The following DCDC1 variants were observed in gnomAD, a reference collection of about 807,000 sequenced individuals.
The protein encoded by DCDC1 is doublecortin domain-containing protein 1.
DCDC1 carries 200 observed loss-of-function variants against 178.3 expected under a neutral mutation model. That is an observed-to-expected ratio of 1.12 (90% CI 1.00 to 1.26). DCDC1 has a LOEUF of 1.26. Among genes scored for constraint, DCDC1 ranks in the 50% most tolerant of loss-of-function variants. The pLI, the probability that DCDC1 is intolerant of heterozygous loss-of-function variation, is 0.00. For synonymous variants in DCDC1, 690 were observed against 604.8 expected (o/e 1.14, Z -2.07); for missense variants, 1,983 against 1,749.2 (o/e 1.13, Z -2.38).
chr11:31,056,718 T>G (rs1438587411), intron 20 of DCDC1, among the ~76,000 whole-genome samples: 1 of 151,928 alleles, frequency 6.6e-6, no homozygotes, highest in Non-Finnish European at 1.5e-5. Flanking sequence ...AATCCACAAT[T>G]TAGTGGGGAA....
intron 9 of DCDC1, among the ~76,000 whole-genome samples, chr11:31,193,112 C>G (rs1440681973): frequency 6.6e-6 from 1 of 152,010 alleles, no homozygotes; most frequent in Non-Finnish European, 1.5e-5. Flanking sequence ...GGTTCTCGGC[C>G]TTTGGACTCA....
At chr11:31,184,041 A>AC (rs1969171944) in intron 9 of DCDC1, among the ~76,000 whole-genome samples, 1 of 152,220 alleles carries the variant, frequency 6.6e-6, no homozygotes, top group South Asian at 2.1e-4. Flanking sequence ...AAACTATACT[A>AC]CAAGGCTACA....
rs182355784 is a variant in DCDC1 at position 31,125,825 on chromosome 11, T to C, written c.1485+1644A>G. On this transcript the variant is annotated intron_variant, in intron 11 of 38. Coordinates refer to ENST00000684477, the MANE Select transcript of DCDC1 (RefSeq NM_001387274.1). ...ATTAGGGAAAAGAGCTAATGCATGC[T>C]GGACTTAATACCTAAGTGATGGGTT... Among the ~76,000 whole-genome samples, 4 of 152,216 alleles carry C rather than the reference T, an allele frequency of 2.6e-5. No individual in the cohort carries two copies. The East Asian group carries it at 7.7e-4, about 29-fold the overall frequency.
chr11:31,040,577 C>T (rs1954376297), intron 20 of DCDC1, among the ~76,000 whole-genome samples: 1 of 152,088 alleles, frequency 6.6e-6, no homozygotes, highest in South Asian at 2.1e-4. Flanking sequence ...AACTGATAGC[C>T]ATAAAAGGTT....
At chr11:31,300,289 G>A (rs1158517720) in intron 6 of DCDC1, among the ~76,000 whole-genome samples, 1 of 152,178 alleles carries the variant, frequency 6.6e-6, no homozygotes, top group African/African-American at 2.4e-5. Flanking sequence ...TTTTGTTGTT[G>A]TTGTTATTTT....
At chr11:31,213,997 G>A (rs1973205487) in intron 9 of DCDC1, among the ~76,000 whole-genome samples, 4 of 151,892 alleles carry the variant, frequency 2.6e-5, no homozygotes, top group Admixed American at 6.6e-5. Context: ...GTTTTGGTGG[G>A]GGGGACTTCC....
chr11:30,915,761 G>T (rs950012328), intron 26 of DCDC1, 50 bp from the exon 27 acceptor site: 1 of 1,552,336 alleles, frequency 6.4e-7, no homozygotes, highest in Non-Finnish European at 8.7e-7. Flanking sequence ...CCATGCACTT[G>T]ATCATGCACT....
intron 9 of DCDC1, among the ~76,000 whole-genome samples, chr11:31,200,867 A>C (rs556145286): frequency 1.3e-5 from 2 of 151,842 alleles, no homozygotes; most frequent in African/African-American, 2.4e-5. Context: ...GCATGTTCAC[A>C]TTTTTATGAC....
intron 20 of DCDC1, among the ~76,000 whole-genome samples, chr11:30,988,543 C>T (rs955802219): frequency 6.6e-6 from 1 of 152,078 alleles, no homozygotes; most frequent in Non-Finnish European, 1.5e-5. Flanking sequence ...TTCCCTCACC[C>T]CACTCTTCTC....
intron 7 of DCDC1, among the ~76,000 whole-genome samples, chr11:31,270,034 T>C (rs1945445516): frequency 6.6e-6 from 1 of 152,150 alleles, no homozygotes; most frequent in African/African-American, 2.4e-5. Context: ...TGAAACCTTT[T>C]AATATGGTTC....
chr11:31,325,216 T>A (rs1349837893), intron 3 of DCDC1, among the ~76,000 whole-genome samples: 1 of 152,192 alleles, frequency 6.6e-6, no homozygotes, highest in African/African-American at 2.4e-5. Context: ...GTGCTGGATA[T>A]GAATATGGTG....
At chr11:31,002,598 T>C (rs1951635730) in intron 20 of DCDC1, among the ~76,000 whole-genome samples, 2 of 152,158 alleles carry the variant, frequency 1.3e-5, no homozygotes, top group South Asian at 2.1e-4. Context: ...AAACAGACTC[T>C]CAAATTATGC....
At chr11:31,299,390 T>G (rs1252093023) in intron 6 of DCDC1, among the ~76,000 whole-genome samples, 2 of 152,198 alleles carry the variant, frequency 1.3e-5, no homozygotes, top group African/African-American at 2.4e-5. Flanking sequence ...CCCTGAACTT[T>G]TCTATGAACT....
At chr11:31,209,081 A>G (rs80308880) in intron 9 of DCDC1, among the ~76,000 whole-genome samples, 4,568 of 152,230 alleles carry the variant, frequency 0.03, 104 homozygotes, top group Non-Finnish European at 0.041. Flanking sequence ...GCCATTGAAC[A>G]TGGAATTTGA....
At chr11:31,328,351 C>T in intron 2 of DCDC1, 65 bp from the exon 3 acceptor site, 3 of 1,451,898 alleles carry the variant, frequency 2.1e-6, no homozygotes, top group Non-Finnish European at 2.7e-6. Flanking sequence ...CAAATAGAGG[C>T]TGGGCATTAA....
Position 31,250,421 on chromosome 11 carries a change from C to CATATATATATATAT in DCDC1, c.1055-8806_1055-8805insATATATATATATAT. ...ACACACACACACACACACACATATA[C>CATATATATATATAT]ATATATATGTATATATATATATATC... On this transcript the variant is annotated intron_variant, in intron 8 of 38. Transcript: ENST00000684477. 9.1e-4 allele frequency among the ~76,000 whole-genome samples: 48 copies of CATATATATATATAT among 52,916 alleles called. 4 individuals are homozygous for CATATATATATATAT. The highest frequency in any genetic ancestry group is 1.2e-3 in the Non-Finnish European group (25 of 20,690). 34.7% of individuals were successfully genotyped at this position (52,916 alleles called of 152,430 possible).
chr11:30,991,513 A>T (rs1475760791), intron 20 of DCDC1, among the ~76,000 whole-genome samples: 1 of 152,150 alleles, frequency 6.6e-6, no homozygotes, highest in Non-Finnish European at 1.5e-5. Context: ...ACTGGATCGG[A>T]CAGCTCAAAT....
Position 30,973,031 on chromosome 11 carries a change from G to C in DCDC1, c.2592-20463C>G, listed in dbSNP as rs573161066. On this transcript the variant is annotated intron_variant, in intron 20 of 38. Coordinates refer to ENST00000684477, the MANE Select transcript of DCDC1 (RefSeq NM_001387274.1). ...TTATGACCGTAATCCCAGCACTTTT[G>C]GGGGCTGAAGTGGGTGGATAACCTG... is the stretch of plus-strand genomic sequence containing the variant. Among the ~76,000 whole-genome samples the C allele has an allele frequency of 7.0e-4, 107 of 152,080 alleles. 1 individual carries two copies. Among genetic ancestry groups the C allele is most frequent in the Non-Finnish European group, 7.6e-4 (52 of 67,980 alleles).
intron 3 of DCDC1, among the ~76,000 whole-genome samples, chr11:31,308,241 A>T (rs1010862735): frequency 6.6e-6 from 1 of 152,208 alleles, no homozygotes; most frequent in Non-Finnish European, 1.5e-5. Context: ...TAATTCAACC[A>T]AAAGGAAGCT....
Sources: gnomAD v4.1 joint callset for allele counts (sites outside exome capture counted in the v4.1 genomes callset) on GRCh38, gnomAD v4.1.1 for gene constraint, MANE v1.5 for transcripts, NCBI Gene and HGNC (gene_info 2026-07-23, HGNC 2026-07-21) for gene names.